The following ANAPC5 variants were observed in gnomAD, a reference collection of about 807,000 sequenced individuals.
ANAPC5 encodes the protein anaphase promoting complex subunit 5, also known as anaphase-promoting complex subunit 5.
In ANAPC5, 60 loss-of-function variants were observed where a neutral mutation model predicts 91.3. The observed-to-expected ratio is 0.66, with a 90% CI of 0.53 to 0.81. ANAPC5 has a LOEUF of 0.81. Among genes scored for constraint, ANAPC5 ranks in the 40% least tolerant of loss-of-function variants. The probability of loss-of-function intolerance (pLI) is 0.00; values close to 1 mark genes in which losing one functional copy is unlikely to be tolerated. For synonymous variants in ANAPC5, 340 were observed against 364.1 expected (o/e 0.93, Z 0.75); for missense variants, 690 against 931.5 (o/e 0.74, Z 3.37).
chr12:121,328,738 T>C (rs181417368), intron 9 of ANAPC5: 2 of 396,874 alleles, frequency 5.0e-6, no homozygotes, highest in Admixed American at 3.8e-5. Context: ...TAGCATTAGA[T>C]GGACCTGGAC....
At chr12:121,321,829 T>A (rs922691623) in intron 11 of ANAPC5, among the ~76,000 whole-genome samples, 1 of 151,336 alleles carries the variant, frequency 6.6e-6, no homozygotes, top group Non-Finnish European at 1.5e-5. Context: ...TGAGCCAATG[T>A]GCCCGGCTGA....
chr12:121,333,910 G>A (rs1347558516), intron 7 of ANAPC5: 5 of 152,002 alleles, frequency 3.3e-5, no homozygotes, highest in African/African-American at 9.7e-5. Flanking sequence ...ATATGATATG[G>A]CTTTGAATGT....
rs782119898 is a variant in ANAPC5, at chr12:121,346,045, CGA to C, written c.398-16_398-15del. ...GCAGAAACAAACCTACAAAATAAGA[CGA>C]GAGACAAGGGGAAAGCATTAACTGA... On this transcript the variant is annotated splice_polypyrimidine_tract_variant and intron_variant, in intron 3 of 16. Transcript: ENST00000261819. The C allele has an allele frequency of 1.3e-5, 21 of 1,590,194 alleles. No homozygotes were observed. The Middle Eastern group carries it at 6.7e-4, about 51-fold the overall frequency.
intron 11 of ANAPC5, among the ~76,000 whole-genome samples, chr12:121,324,951 G>A (rs1902754088): frequency 6.6e-6 from 1 of 152,112 alleles, no homozygotes; most frequent in Non-Finnish European, 1.5e-5. Context: ...GACTGCTTGA[G>A]CCCAGAAATT....
chr12:121,346,951 G>T lies in ANAPC5; in HGVS notation c.342C>A (p.Asp114Glu). 6.2e-7 allele frequency: 1 copy of T among 1,611,810 alleles called. No individual in the cohort carries two copies. Among genetic ancestry groups the T allele is most frequent in the Non-Finnish European group, 8.5e-7 (1 of 1,179,386 alleles). The change falls in exon 3 of 17, where the codon GAC (aspartate) becomes GAA (glutamate). Residue 114 changes from aspartate to glutamate, a missense_variant. Physicochemically the swap from Asp to Glu is conservative, Grantham distance 45 (BLOSUM62 2). Around this residue, in one of 5 missense-constraint regions of ANAPC5, gnomAD observed 238 missense variants for 264.9 expected, o/e 0.90. Coordinates refer to ENST00000261819, the MANE Select transcript of ANAPC5 (RefSeq NM_016237.5). ...CAGTTCCAGAGAAAGAATCTGAAAGGTCATCAAAAAACTGTTCCATATCCT... is the reference window on the plus strand; with the variant it reads ...CAGTTCCAGAGAAAGAATCTGAAAGTTCATCAAAAAACTGTTCCATATCCT... ...ELKDMEQFFD[D>E]LSDSFSGTEP...
At position 121,352,381 on chromosome 12, in the gene ANAPC5, G is replaced by GC. The variant is rs782703883; in HGVS notation, c.-42dup. 3.1e-5 allele frequency: 47 copies of GC among 1,532,564 alleles called. 1 individual carries two copies. The highest frequency in any genetic ancestry group is 2.3e-4 in the East Asian group (10 of 43,920). 94.9% of individuals were successfully genotyped at this position (1,532,564 alleles called of 1,614,324 possible). A position where few individuals can be genotyped will look rare whatever the true frequency, so the allele number is the denominator to read the frequency against. On this transcript the variant is annotated 5_prime_UTR_variant, in exon 1 of 17. Transcript: ENST00000261819. ...AGTCTCGGGCCCGCGGCGCGCTGCC[G>GC]CCAGTTGTCACCACAAGGCACAACA...
In ANAPC5 at chr12:121,328,672, A is replaced by C; in HGVS notation, c.1123-175T>G. 2.1e-5 allele frequency: 12 copies of C among 576,066 alleles called. 1 individual carries two copies. The South Asian group carries it at 2.8e-4, about 14-fold the overall frequency. The allele number at this position is 576,066 out of a possible 1,614,324, so 35.7% of individuals were successfully genotyped here. A position where few individuals can be genotyped will look rare whatever the true frequency, so the allele number is the denominator to read the frequency against. ...CTGAGCCATACGAGATGTGTTCCTGAAAAACTGGGTCTGGGAGAGAGGCAG... is the reference window on the plus strand; with the variant it reads ...CTGAGCCATACGAGATGTGTTCCTGCAAAACTGGGTCTGGGAGAGAGGCAG... On this transcript the variant is annotated intron_variant, in intron 9 of 16. Transcript: ENST00000261819.
In ANAPC5 at chr12:121,327,240, G is replaced by C; in HGVS notation, c.1305-9C>G. On this transcript the variant is annotated splice_polypyrimidine_tract_variant and intron_variant, in intron 10 of 16. Transcript: ENST00000261819. ...GTTGCAGTGCCATGGTGCTGGGTGG[G>C]GAGAGGGAACAGGATTTCCTTTCAG... 1.2e-6 allele frequency: 2 copies of C among 1,611,414 alleles called. No individual in the cohort carries two copies. The highest frequency in any genetic ancestry group is 1.7e-6 in the Non-Finnish European group (2 of 1,179,716).
chr12:121,309,032 C>G (rs961829048), intron 16 of ANAPC5, among the ~76,000 whole-genome samples: 2 of 151,516 alleles, frequency 1.3e-5, no homozygotes, highest in African/African-American at 4.9e-5. Flanking sequence ...ACCTGTAATC[C>G]CAGCTACTTG....
At chr12:121,316,601 C>T (rs1350813562) in intron 15 of ANAPC5, among the ~76,000 whole-genome samples, 1 of 151,680 alleles carries the variant, frequency 6.6e-6, no homozygotes, top group Non-Finnish European at 1.5e-5. Flanking sequence ...GGCGTGGTGG[C>T]GGGCGCCTGT....
chr12:121,352,403 A>G lies in ANAPC5; in HGVS notation c.-63T>C. ...GCCGCCAGTTGTCACCACAAGGCAC[A>G]ACACTACCGGGTCTACATCTCCGCC... On this transcript the variant is annotated 5_prime_UTR_variant, in exon 1 of 17. Coordinates refer to ENST00000261819, the MANE Select transcript of ANAPC5 (RefSeq NM_016237.5). 7.4e-7 allele frequency: 1 copy of G among 1,346,092 alleles called. No homozygotes were observed. The highest frequency in any genetic ancestry group is 1.0e-6 in the Non-Finnish European group (1 of 966,652). 83.4% of individuals were successfully genotyped at this position (1,346,092 alleles called of 1,614,324 possible).
rs761710625 is a variant in ANAPC5, at chr12:121,345,899, A to G, written c.530T>C (p.Leu177Pro). The G allele has an allele frequency of 6.8e-6, 11 of 1,614,190 alleles. No homozygotes were observed. The highest frequency in any genetic ancestry group is 9.3e-6 in the Non-Finnish European group (11 of 1,180,036). The change falls in exon 4 of 17, where the codon CTG becomes CCG. Residue 177 changes from leucine (L) to proline (P), a missense_variant. Coordinates refer to ENST00000261819, the MANE Select transcript of ANAPC5 (RefSeq NM_016237.5). The part of the protein sequence containing the change: ...KKTVEDADME[L>P]TSRDEGERKM... ...TCTTTCACCCTCATCTCTACTGGTC[A>G]GTTCCATATCAGCATCCTCCACTGT...
Position 121,309,816 on chromosome 12 carries a change from G to A in ANAPC5, c.1941C>T (p.Ala647=). The A allele has an allele frequency of 6.2e-7, 1 of 1,614,120 alleles. No individual in the cohort carries two copies. Among genetic ancestry groups the A allele is most frequent in the Non-Finnish European group, 8.5e-7 (1 of 1,180,012 alleles). The change falls in exon 16 of 17, where the codon GCC becomes GCT. Residue 647 remains alanine, a synonymous_variant. Transcript: ENST00000261819. ...PEQALSLLHM[A]IEPILADGAI... ...CCCCGTCAGCCAAGATGGGCTCGAT[G>A]GCCATGTGGAGAAGACTTAAGGCCT...
At chr12:121,341,468 C>CAGAG (rs1903456485) in intron 5 of ANAPC5, among the ~76,000 whole-genome samples, 1 of 152,094 alleles carries the variant, frequency 6.6e-6, no homozygotes, top group East Asian at 1.9e-4. Context: ...GCCTGGGCAA[C>CAGAG]AGAGTAAGAC....
At chr12:121,350,204 T>A (rs1399793733) in intron 1 of ANAPC5, among the ~76,000 whole-genome samples, 1 of 152,140 alleles carries the variant, frequency 6.6e-6, no homozygotes, top group African/African-American at 2.4e-5. Context: ...AAGTGATAAA[T>A]TTTTTAAAAA....
At chr12:121,333,343 A>C (rs1903113521) in intron 7 of ANAPC5, 2 of 152,210 alleles carry the variant, frequency 1.3e-5, no homozygotes, top group Admixed American at 1.3e-4. Flanking sequence ...TTAATTAATT[A>C]AATAAAGATT....
At chr12:121,339,503 C>T (rs1903362860) in intron 5 of ANAPC5, among the ~76,000 whole-genome samples, 1 of 151,086 alleles carries the variant, frequency 6.6e-6, no homozygotes, top group South Asian at 2.1e-4. Context: ...AGGAGTCTCG[C>T]TCTGTCGCAC....
chr12:121,327,488 G>A (rs537123234), intron 10 of ANAPC5: 19 of 410,024 alleles, frequency 4.6e-5, no homozygotes, highest in East Asian at 2.3e-4. Flanking sequence ...AGATCCCCCC[G>A]CCCCCACCCC....
In ANAPC5 at chr12:121,319,960, T is replaced by A. The variant is rs544413790; in HGVS notation, c.1516-142A>T. ...TTTTTGGGGGGATTTAAAATTTTTTTAAAATATCTCAAGTATGTGAAAAAG... is the reference window on the plus strand; with the variant it reads ...TTTTTGGGGGGATTTAAAATTTTTTAAAAATATCTCAAGTATGTGAAAAAG... On this transcript the variant is annotated intron_variant, in intron 12 of 16. Transcript: ENST00000261819. The A allele has an allele frequency of 3.4e-4, 270 of 804,722 alleles. 1 individual carries two copies. In the African/African-American group the frequency reaches 3.4e-3, roughly 10 times the overall value. 49.8% of individuals were successfully genotyped at this position (804,722 alleles called of 1,614,324 possible). A position where few individuals can be genotyped will look rare whatever the true frequency, so the allele number is the denominator to read the frequency against.
Sources: allele counts gnomAD v4.1 joint callset (sites outside exome capture counted in the v4.1 genomes callset), GRCh38; gene constraint gnomAD v4.1.1; regional missense constraint gnomAD v4.1.1; transcripts MANE v1.5; gene names NCBI Gene and HGNC (gene_info 2026-07-23, HGNC 2026-07-21).